LSS: variants seen among roughly 807,000 people sequenced by gnomAD.
LSS encodes 2,3-epoxysqualene-lanosterol cyclase.
Under a neutral mutation model 110.3 loss-of-function variants are expected in LSS, and 90 were observed. The observed-to-expected ratio is 0.82, with a 90% CI of 0.69 to 0.97. LSS has a LOEUF of 0.97. Ranked by LOEUF, LSS falls within the 50% of genes least tolerant of loss-of-function variation. The pLI is 0.00. For synonymous variants in LSS, 433 were observed against 400.0 expected (o/e 1.08, Z -0.98); for missense variants, 927 against 990.0 (o/e 0.94, Z 0.85).
chr21:46,211,291 T>A (rs943623984), intron 11 of LSS, among the ~76,000 whole-genome samples: 1 of 152,194 alleles, frequency 6.6e-6, no homozygotes, highest in Non-Finnish European at 1.5e-5. Context: ...CACACCCAGC[T>A]AATTTTTTTT....
chr21:46,219,156 G>C (rs1052804327), intron 6 of LSS, among the ~76,000 whole-genome samples: 3 of 152,110 alleles, frequency 2.0e-5, no homozygotes, highest in Admixed American at 1.3e-4. Context: ...GTGCAGGCTG[G>C]GGGAGGGGCA....
chr21:46,205,805 G>A (rs529572802), intron 17 of LSS, 31 bp downstream of exon 17: 35 of 1,546,906 alleles, frequency 2.3e-5, no homozygotes, highest in Middle Eastern at 3.4e-4. Flanking sequence ...ACTTGGCAGC[G>A]CCCACACTGA....
intron 17 of LSS, among the ~76,000 whole-genome samples, chr21:46,198,307 A>G (rs2079935615): frequency 6.6e-6 from 1 of 152,072 alleles, no homozygotes; most frequent in African/African-American, 2.4e-5. Flanking sequence ...CCTACCAGCA[A>G]TGAACAATTA....
Position 46,213,812 on chromosome 21 carries a change from A to G in LSS, c.1035T>C (p.Leu345=), listed in dbSNP as rs780835296. The change falls in exon 10 of 22, where the codon CTT becomes CTC. Residue 345 remains leucine, a synonymous_variant. Coordinates refer to ENST00000397728, the MANE Select transcript of LSS (RefSeq NM_002340.6). ...IGPISKTINM[L]VRWYVDGPAS... is the part of the protein sequence containing the mutation. ...CGGGCCCGTCCACATACCAGCGCAC[A>G]AGCATGTTGATGGTTTTCGAGATCT... is the stretch of plus-strand genomic sequence containing the variant. The G allele has an allele frequency of 1.2e-6, 2 of 1,613,882 alleles. No homozygotes were observed. Among genetic ancestry groups the G allele is most frequent in the South Asian group, 1.1e-5 (1 of 91,058 alleles).
chr21:46,195,768 CAG>C lies in LSS; in HGVS notation c.1737-14_1737-13del, dbSNP rs2079901657. ...AAACTCCCCAGGAGCTGGAGGGAAA[CAG>C]GGAGAGCCTCAGCCCTTCCACCCTG... On this transcript the variant is annotated splice_polypyrimidine_tract_variant and intron_variant, in intron 18 of 21. Transcript: ENST00000397728. 1 of 1,611,130 alleles carries C rather than the reference CAG, an allele frequency of 6.2e-7. No individual in the cohort carries two copies. The highest frequency in any genetic ancestry group is 1.3e-5 in the African/African-American group (1 of 74,906).
intron 17 of LSS, among the ~76,000 whole-genome samples, chr21:46,199,761 T>C (rs547748790): frequency 1.3e-5 from 2 of 152,268 alleles, no homozygotes; most frequent in Non-Finnish European, 2.9e-5. Flanking sequence ...GGCAAAACTA[T>C]GGAGACAGTA....
At chr21:46,225,336 T>C (rs913966747) in intron 3 of LSS, 2 of 448,298 alleles carry the variant, frequency 4.5e-6, no homozygotes, top group African/African-American at 2.1e-5. Context: ...CTCCTTGGTC[T>C]AGCGGTAACG....
At chr21:46,211,881 T>A (rs2080138801) in intron 11 of LSS, among the ~76,000 whole-genome samples, 1 of 152,208 alleles carries the variant, frequency 6.6e-6, no homozygotes, top group Admixed American at 6.5e-5. Context: ...TGAAGGCCTG[T>A]GCAGGCCTGG....
intron 11 of LSS, among the ~76,000 whole-genome samples, chr21:46,212,485 C>A (rs1293696837): frequency 6.6e-6 from 1 of 152,210 alleles, no homozygotes; most frequent in Admixed American, 6.5e-5. Context: ...CCCCCAGAGC[C>A]AGGACAGGAC....
At chr21:46,200,413 C>T (rs1013124292) in intron 17 of LSS, among the ~76,000 whole-genome samples, 24 of 152,074 alleles carry the variant, frequency 1.6e-4, no homozygotes, top group Admixed American at 1.1e-3. Flanking sequence ...AACTTCATAG[C>T]GGAGAAACTA....
chr21:46,205,929 A>G lies in LSS; in HGVS notation c.1577T>C (p.Ile526Thr), dbSNP rs2080042729. 3.1e-6 allele frequency: 5 copies of G among 1,607,934 alleles called. No individual in the cohort carries two copies. Among genetic ancestry groups the G allele is most frequent in the Middle Eastern group, 1.6e-4 (1 of 6,074 alleles). ...GGTGCACTCCACATAGGTGTAGTCA[A>G]TCATGATGTCCCCTGGGAAAGGGAG... ...NPSEVFGDIM[I>T]DYTYVECTSA... Residue 526 changes from isoleucine to threonine, a missense_variant, in exon 17 of 22, where the codon ATT (isoleucine) becomes ACT (threonine). Physicochemically the swap from Ile to Thr is moderately conservative, Grantham distance 89. Coordinates refer to ENST00000397728, the MANE Select transcript of LSS (RefSeq NM_002340.6).
chr21:46,213,681 G>A lies in LSS; in HGVS notation c.1109+57C>T. 2.0e-6 allele frequency: 3 copies of A among 1,487,354 alleles called. No individual in the cohort carries two copies. The South Asian group carries it at 3.5e-5, about 18-fold the overall frequency. 92.1% of individuals were successfully genotyped at this position (1,487,354 alleles called of 1,614,324 possible). On this transcript the variant is annotated intron_variant, in intron 10 of 21. Transcript: ENST00000397728. ...GGGGCCCCCTCACTGGGATGCAGCT[G>A]GGGCTCAGATCCAGTCTTCGTGAGA... is the stretch of plus-strand genomic sequence containing the variant.
chr21:46,213,731 C>T lies in LSS; in HGVS notation c.1109+7G>A. ...AGGCCCCGCCAGCATATCCCAGCCACACTCACCAGAGATAGTCCGGGATTC... is the reference window on the plus strand; with the variant it reads ...AGGCCCCGCCAGCATATCCCAGCCATACTCACCAGAGATAGTCCGGGATTC... On this transcript the variant is annotated splice_region_variant and intron_variant, in intron 10 of 21. Transcript: ENST00000397728. 1.2e-6 allele frequency: 2 copies of T among 1,612,034 alleles called. No individual in the cohort carries two copies. Among genetic ancestry groups the T allele is most frequent in the South Asian group, 2.2e-5 (2 of 90,704 alleles).
intron 4 of LSS, chr21:46,222,332 CCA>C: frequency 1.9e-6 from 1 of 532,718 alleles, no homozygotes; most frequent in Non-Finnish European, 3.3e-6. Flanking sequence ...TGCTGCCAGC[CCA>C]GAGTCAAGGG....
At position 46,199,120 on chromosome 21, in the gene LSS, T is replaced by C. The variant is rs2079947331; in HGVS notation, c.1671-2853A>G. 2.6e-5 allele frequency among the ~76,000 whole-genome samples: 4 copies of C among 152,212 alleles called. No individual in the cohort carries two copies. The South Asian group carries it at 8.3e-4, about 32-fold the overall frequency. On this transcript the variant is annotated intron_variant, in intron 17 of 21. Coordinates refer to ENST00000397728, the MANE Select transcript of LSS (RefSeq NM_002340.6). ...AAAGACAAGACACAGGCAGAAAATA[T>C]TTGCGAAAGACATATCTGATAAAGG...
At chr21:46,213,354 G>A (rs899141250) in intron 10 of LSS, among the ~76,000 whole-genome samples, 5 of 152,366 alleles carry the variant, frequency 3.3e-5, no homozygotes, top group African/African-American at 9.6e-5. Context: ...ACCAGAGGAA[G>A]AGGCCTGTAC....
chr21:46,211,644 G>T (rs2080136193), intron 11 of LSS, among the ~76,000 whole-genome samples: 1 of 152,168 alleles, frequency 6.6e-6, no homozygotes, highest in African/African-American at 2.4e-5. Context: ...GAGGCATCCA[G>T]ACATCGTGCA....
At chr21:46,222,922 G>A (rs2080295469) in intron 3 of LSS, among the ~76,000 whole-genome samples, 184 bp from the exon 4 acceptor site, 1 of 152,216 alleles carries the variant, frequency 6.6e-6, no homozygotes, top group Non-Finnish European at 1.5e-5. Context: ...CAGAAGGAAC[G>A]TCAGCCACAG....
At position 46,205,850 on chromosome 21, in the gene LSS, C is replaced by T. The variant is rs965133177; in HGVS notation, c.1656G>A (p.Arg552=). The change falls in exon 17 of 22, where the codon AGG becomes AGA. Residue 552 remains arginine, a synonymous_variant. Transcript: ENST00000397728. The stretch of plus-strand genomic sequence containing the variant: ...ACCCTCCTTACCGGATCTCCGCTGC[C>T]CTGTGCTCCGGGAAACGCTTGTGGA... The part of the protein sequence containing the change: ...KYFHKRFPEH[R]AAEIRETLTQ... 6 of 1,606,966 alleles carry T rather than the reference C, an allele frequency of 3.7e-6. No individual in the cohort carries two copies. Among genetic ancestry groups the T allele is most frequent in the Non-Finnish European group, 4.2e-6 (5 of 1,176,878 alleles).
Sources: gnomAD v4.1 joint callset for allele counts (sites outside exome capture counted in the v4.1 genomes callset) on GRCh38, gnomAD v4.1.1 for gene constraint, MANE v1.5 for transcripts, NCBI Gene and HGNC (gene_info 2026-07-23, HGNC 2026-07-21) for gene names.